Variants in SPAG9 observed in about 807,000 individuals in gnomAD.
The protein encoded by SPAG9 is sperm associated antigen 9, also known as C-Jun-amino-terminal kinase-interacting protein 4.
A neutral mutation model predicts 166.5 loss-of-function variants in SPAG9; 35 were observed. The observed-to-expected ratio is 0.21, with a 90% confidence interval of 0.16 to 0.28. The LOEUF (loss-of-function observed/expected upper bound fraction) is 0.28, where lower values mean the gene tolerates loss of function less well. SPAG9 is among the 10% of genes least tolerant of loss of function. The probability of loss-of-function intolerance (pLI) is 1.00; values close to 1 mark genes in which losing one functional copy is unlikely to be tolerated. For missense variants in SPAG9, 1,235 were observed against 1,603.3 expected (o/e 0.77, Z 3.92); for synonymous variants, 534 against 565.5 (o/e 0.94, Z 0.79).
At chr17:51,077,005 G>GCTATCTAGCTATCTAGCTATCTAGCTAT (rs201838131) in intron 2 of SPAG9, among the ~76,000 whole-genome samples, 8 of 92,606 alleles carry the variant, frequency 8.6e-5, no homozygotes, top group African/African-American at 3.3e-4. Context: ...TAGCTATCTA[G>GCTATCTAGCTATCTAGCTATCTAGCTAT]CTAGCTAGCT....
chr17:50,977,219 T>C lies in SPAG9; in HGVS notation c.3412A>G (p.Thr1138Ala). The C allele has an allele frequency of 1.3e-6, 2 of 1,593,548 alleles. No homozygotes were observed. The highest frequency in any genetic ancestry group is 1.7e-4 in the Middle Eastern group (1 of 6,014). ...ACAAAAGAGAAGCCCAGTTTTCCAGTACCTGTAAAGAAAGGAGGGAACACG... is the reference window on the plus strand; with the variant it reads ...ACAAAAGAGAAGCCCAGTTTTCCAGCACCTGTAAAGAAAGGAGGGAACACG... ...IEPYVSKMLG[T>A]GKLGFSFVRI... Residue 1138 changes from threonine (T) to alanine (A), a missense_variant and splice_region_variant, in exon 27 of 30, where the codon ACT (threonine) becomes GCT (alanine). Transcript: ENST00000262013.
intron 26 of SPAG9, among the ~76,000 whole-genome samples, chr17:50,977,668 C>A (rs1974299127): frequency 6.6e-6 from 1 of 152,170 alleles, no homozygotes; most frequent in South Asian, 2.1e-4. Context: ...GGTGGGATGA[C>A]TGCTTGATCC....
chr17:51,026,975 C>T (rs539335478), intron 6 of SPAG9, among the ~76,000 whole-genome samples: 9 of 152,184 alleles, frequency 5.9e-5, no homozygotes, highest in South Asian at 2.1e-4. Flanking sequence ...TGCGCCCGGC[C>T]GGGAAACCAT....
intron 19 of SPAG9, among the ~76,000 whole-genome samples, chr17:50,992,429 G>A (rs1359339399): frequency 2.6e-5 from 4 of 152,064 alleles, no homozygotes; most frequent in Non-Finnish European, 4.4e-5. Flanking sequence ...CCAATACTTC[G>A]GGAGGCCAAG....
At chr17:51,111,697 G>A (rs932577488) in intron 1 of SPAG9, among the ~76,000 whole-genome samples, 7 of 152,056 alleles carry the variant, frequency 4.6e-5, no homozygotes, top group African/African-American at 1.7e-4. Context: ...CCGCCTCCCA[G>A]GTACAAGTGA....
chr17:51,061,773 A>G (rs529000075), intron 2 of SPAG9, among the ~76,000 whole-genome samples: 14 of 152,160 alleles, frequency 9.2e-5, no homozygotes, highest in African/African-American at 3.4e-4. Flanking sequence ...TCTAGTAATC[A>G]TTTTGTTCTC....
intron 6 of SPAG9, among the ~76,000 whole-genome samples, chr17:51,024,667 T>C (rs977173648): frequency 2.0e-5 from 3 of 149,462 alleles, no homozygotes; most frequent in Non-Finnish European, 3.0e-5. Flanking sequence ...AAGCTGAGAT[T>C]GCACCATTGC....
In SPAG9 at chr17:50,980,200, T is replaced by A. The variant is rs1041644387; in HGVS notation, c.3238-283A>T. Among the ~76,000 whole-genome samples, 16 of 152,076 alleles carry A rather than the reference T, an allele frequency of 1.1e-4. 1 individual carries two copies. The highest frequency in any genetic ancestry group is 5.9e-4 in the Admixed American group (9 of 15,260). On this transcript the variant is annotated intron_variant, in intron 25 of 29. Coordinates refer to ENST00000262013, the MANE Select transcript of SPAG9 (RefSeq NM_001130528.3). ...CAGTGCTCAACAGAAAGATTTTTTT[T>A]ATTTCTTTATTTTTTATTTTTGAGA...
intron 5 of SPAG9, chr17:51,040,439 C>T (rs2046794744): frequency 6.6e-6 from 1 of 152,120 alleles, no homozygotes; most frequent in Non-Finnish European, 1.5e-5. Flanking sequence ...GTTTTGAGCA[C>T]ATTTCAAAGG....
At chr17:50,970,044 A>C (rs1185265829) in intron 29 of SPAG9, among the ~76,000 whole-genome samples, 3 of 152,206 alleles carry the variant, frequency 2.0e-5, no homozygotes, top group African/African-American at 7.2e-5. Context: ...TGAACAAATG[A>C]AGTTGTTTAA....
At chr17:50,968,441 A>C (rs1973523245) in intron 29 of SPAG9, among the ~76,000 whole-genome samples, 1 of 152,206 alleles carries the variant, frequency 6.6e-6, no homozygotes, top group Non-Finnish European at 1.5e-5. Context: ...GTTTATTTAT[A>C]GCAAATAAGC....
chr17:51,064,893 G>A (rs534375909), intron 2 of SPAG9, among the ~76,000 whole-genome samples: 36 of 152,214 alleles, frequency 2.4e-4, no homozygotes, highest in East Asian at 9.7e-4. Context: ...AGGCCAAGGC[G>A]GACAGATCAT....
At chr17:51,088,913 T>G (rs919059343) in intron 1 of SPAG9, among the ~76,000 whole-genome samples, 3 of 148,218 alleles carry the variant, frequency 2.0e-5, no homozygotes, top group Non-Finnish European at 4.5e-5. Context: ...GCCAACATGG[T>G]GCAACCCCGC....
chr17:51,052,565 T>C (rs2047210286), intron 3 of SPAG9, among the ~76,000 whole-genome samples: 1 of 152,080 alleles, frequency 6.6e-6, no homozygotes, highest in East Asian at 1.9e-4. Context: ...CTCTCTGACT[T>C]GGTAATTAAA....
At chr17:50,970,925 T>TA in intron 28 of SPAG9, 69 bp from the exon 29 acceptor site, 9 of 1,334,168 alleles carry the variant, frequency 6.7e-6, no homozygotes, top group South Asian at 5.2e-5. Context: ...TTTTTTTTTT[T>TA]AAGTATTTTT....
At chr17:51,106,106 C>CACACACAT in intron 1 of SPAG9, among the ~76,000 whole-genome samples, 1 of 50,390 alleles carries the variant, frequency 2.0e-5, no homozygotes. Context: ...CATCTCTACA[C>CACACACAT]ACACACACAC....
At chr17:51,091,467 T>G (rs1240936827) in intron 1 of SPAG9, among the ~76,000 whole-genome samples, 7 of 151,170 alleles carry the variant, frequency 4.6e-5, no homozygotes, top group African/African-American at 1.5e-4. Flanking sequence ...AGCGCAGCAG[T>G]TTTTTTTGTT....
chr17:51,120,725 C>T lies in SPAG9; in HGVS notation c.-69G>A. ...AGGGGCGGCACCTGCCCGCACGGGA[C>T]GGACCCGACTCGGGCTGGGACGGGT... is the stretch of plus-strand genomic sequence containing the variant. On this transcript the variant is annotated 5_prime_UTR_variant, in exon 1 of 30. Coordinates refer to ENST00000262013, the MANE Select transcript of SPAG9 (RefSeq NM_001130528.3). This position sits in a 1 kb window ranked among gnomAD's most constrained non-coding sequence, Gnocchi z 4.7. 7.2e-7 allele frequency: 1 copy of T among 1,388,686 alleles called. No individual in the cohort carries two copies. The highest frequency in any genetic ancestry group is 9.7e-7 in the Non-Finnish European group (1 of 1,031,480). 86.0% of individuals were successfully genotyped at this position (1,388,686 alleles called of 1,614,324 possible).
At chr17:51,114,523 AG>A (rs1229378860) in intron 1 of SPAG9, among the ~76,000 whole-genome samples, 1 of 152,078 alleles carries the variant, frequency 6.6e-6, no homozygotes, top group Non-Finnish European at 1.5e-5. Context: ...CCAGCTACTC[AG>A]AAGGCTGAGA....
Sources: gnomAD v4.1 joint callset for allele counts (sites outside exome capture counted in the v4.1 genomes callset) on GRCh38, gnomAD v4.1.1 for gene constraint, Gnocchi (gnomAD v3.1) non-coding constraint, MANE v1.5 for transcripts, NCBI Gene and HGNC (gene_info 2026-07-23, HGNC 2026-07-21) for gene names.